GRM7: variants seen among roughly 807,000 people sequenced by gnomAD.
GRM7 encodes glutamate metabotropic receptor 7.
GRM7 carries 35 observed loss-of-function variants against 84.5 expected under a neutral mutation model. The ratio of observed to expected loss-of-function variants is 0.41; its 90% CI spans 0.32 to 0.55. The LOEUF (loss-of-function observed/expected upper bound fraction) is 0.55. Ranked by LOEUF, GRM7 falls within the 20% of genes least tolerant of loss-of-function variation. GRM7 has a pLI of 0.19. For missense variants in GRM7, 1,003 were observed against 1,194.6 expected, an observed-to-expected ratio of 0.84 and a Z score of 2.36; for synonymous variants, 487 against 455.1, an observed-to-expected ratio of 1.07 and a Z score of -0.89.
At chr3:7,198,174 G>A (rs899352180) in intron 2 of GRM7, among the ~76,000 whole-genome samples, 9 of 151,080 alleles carry the variant, frequency 6.0e-5, no homozygotes, top group Admixed American at 2.0e-4. Flanking sequence ...AAAAAAGAGA[G>A]AGATGGAAAA....
intron 8 of GRM7, among the ~76,000 whole-genome samples, chr3:7,652,423 A>G (rs1698986961): frequency 6.6e-6 from 1 of 152,148 alleles, no homozygotes; most frequent in African/African-American, 2.4e-5. Flanking sequence ...TTGTTCAATA[A>G]ACAGACTCAT....
chr3:7,179,485 A>C (rs1695266865), intron 2 of GRM7, among the ~76,000 whole-genome samples: 1 of 152,200 alleles, frequency 6.6e-6, no homozygotes, highest in African/African-American at 2.4e-5. Flanking sequence ...GACATCAACC[A>C]CTGGTTTGCT....
At chr3:7,074,254 C>T (rs1165898049) in intron 1 of GRM7, among the ~76,000 whole-genome samples, 1 of 152,100 alleles carries the variant, frequency 6.6e-6, no homozygotes, top group African/African-American at 2.4e-5. Context: ...AGATGTTGCA[C>T]TAGCGGTGAG....
chr3:7,510,400 T>C (rs1359980545), intron 7 of GRM7, among the ~76,000 whole-genome samples: 5 of 152,204 alleles, frequency 3.3e-5, no homozygotes, highest in African/African-American at 1.2e-4. Flanking sequence ...TGTATTAGCC[T>C]AAATTACAGC....
chr3:7,473,334 G>C (rs1209754136), intron 7 of GRM7, among the ~76,000 whole-genome samples: 1 of 152,116 alleles, frequency 6.6e-6, no homozygotes, highest in Non-Finnish European at 1.5e-5. Context: ...AAATATGGAT[G>C]GGTGTGATGG....
intron 2 of GRM7, among the ~76,000 whole-genome samples, chr3:7,289,417 A>T (rs1034350640): frequency 2.0e-5 from 3 of 152,190 alleles, no homozygotes; most frequent in Non-Finnish European, 4.4e-5. Context: ...AAAGAAAAGT[A>T]AACTGGTTCA....
intron 8 of GRM7, among the ~76,000 whole-genome samples, chr3:7,598,507 G>A (rs1343466185): frequency 1.3e-5 from 2 of 152,106 alleles, no homozygotes; most frequent in African/African-American, 2.4e-5. Context: ...ATATAATACA[G>A]CAAAGAAACT....
At chr3:6,913,842 A>G (rs1696855262) in intron 1 of GRM7, among the ~76,000 whole-genome samples, 1 of 152,154 alleles carries the variant, frequency 6.6e-6, no homozygotes, top group East Asian at 1.9e-4. Context: ...TAGAGTTCAT[A>G]ACTTTGACCA....
At chr3:7,466,254 A>T (rs1698455669) in intron 7 of GRM7, among the ~76,000 whole-genome samples, 1 of 152,150 alleles carries the variant, frequency 6.6e-6, no homozygotes, top group South Asian at 2.1e-4. Flanking sequence ...TTCACAGTCT[A>T]GGTAGGGTAA....
chr3:7,214,295 A>G (rs1002812865), intron 2 of GRM7, among the ~76,000 whole-genome samples: 35 of 152,222 alleles, frequency 2.3e-4, no homozygotes, highest in African/African-American at 8.4e-4. Context: ...TGTTAATTGG[A>G]TTAACAAAAA....
chr3:6,986,616 T>G (rs544754189), intron 1 of GRM7, among the ~76,000 whole-genome samples: 26 of 152,326 alleles, frequency 1.7e-4, no homozygotes, highest in African/African-American at 5.8e-4. Flanking sequence ...CTAAGCTCTC[T>G]CTACTTCTCT....
intron 1 of GRM7, among the ~76,000 whole-genome samples, chr3:6,870,733 T>C (rs528981675): frequency 1.3e-5 from 2 of 152,130 alleles, no homozygotes; most frequent in South Asian, 4.2e-4. Context: ...TGAAACAGGA[T>C]TTCCAGGCAG....
chr3:6,878,329 A>G (rs1160942228), intron 1 of GRM7, among the ~76,000 whole-genome samples: 2 of 151,812 alleles, frequency 1.3e-5, no homozygotes, highest in East Asian at 3.9e-4. Flanking sequence ...ATAAGTGACC[A>G]AGAAATTCAA....
intron 2 of GRM7, among the ~76,000 whole-genome samples, chr3:7,191,058 A>G (rs980919160): frequency 6.6e-6 from 1 of 152,176 alleles, no homozygotes; most frequent in Non-Finnish European, 1.5e-5. Flanking sequence ...AATAATATCA[A>G]TATAAGCTTT....
At chr3:7,096,599 G>T (rs1179919696) in intron 1 of GRM7, among the ~76,000 whole-genome samples, 1 of 152,030 alleles carries the variant, frequency 6.6e-6, no homozygotes, top group Admixed American at 6.6e-5. Context: ...TTTTATGGGG[G>T]TTTTAATACA....
intron 8 of GRM7, among the ~76,000 whole-genome samples, chr3:7,616,346 C>T (rs948427749): frequency 1.5e-4 from 23 of 152,110 alleles, no homozygotes; most frequent in Non-Finnish European, 8.8e-5. Context: ...ATCTATGCTT[C>T]GTGTGCTTCC....
intron 1 of GRM7, among the ~76,000 whole-genome samples, chr3:7,027,443 C>T (rs80152733): frequency 8.5e-5 from 13 of 152,276 alleles, no homozygotes; most frequent in African/African-American, 3.1e-4. Flanking sequence ...AGTTTGCTAA[C>T]GATCACATTG....
chr3:7,558,180 A>C (rs1404430303), intron 7 of GRM7, among the ~76,000 whole-genome samples: 2 of 152,122 alleles, frequency 1.3e-5, no homozygotes, highest in Non-Finnish European at 2.9e-5. Flanking sequence ...TGCATCTTTT[A>C]AATTTACATT....
intron 2 of GRM7, among the ~76,000 whole-genome samples, chr3:7,236,965 T>C (rs972896283): frequency 8.5e-5 from 13 of 152,226 alleles, no homozygotes; most frequent in African/African-American, 3.1e-4. Flanking sequence ...CCATCGTGCA[T>C]ACTGATGTGG....
Sources: allele counts gnomAD v4.1 joint callset (sites outside exome capture counted in the v4.1 genomes callset), GRCh38; gene constraint gnomAD v4.1.1; transcripts MANE v1.5; gene names NCBI Gene and HGNC (gene_info 2026-07-23, HGNC 2026-07-21).